LARS2: variants seen among roughly 807,000 people sequenced by gnomAD.
LARS2 encodes the protein leucyl-tRNA synthetase 2, mitochondrial.
A neutral mutation model predicts 116.6 loss-of-function variants in LARS2; 81 were observed. The ratio of observed to expected loss-of-function variants is 0.69; its 90% confidence interval spans 0.58 to 0.84. LARS2 has a LOEUF of 0.84. Ranked by LOEUF, LARS2 falls within the 40% of genes least tolerant of loss-of-function variation. LARS2 has a pLI of 0.00. For missense variants in LARS2, 968 were observed against 1,114.5 expected, an observed-to-expected ratio of 0.87 and a Z score of 1.87; for synonymous variants, 396 against 407.2, an observed-to-expected ratio of 0.97 and a Z score of 0.33.
chr3:45,511,552 G>A (rs948424930), intron 15 of LARS2, among the ~76,000 whole-genome samples: 3 of 151,664 alleles, frequency 2.0e-5, no homozygotes, highest in East Asian at 1.9e-4. Context: ...TTCAATATGT[G>A]TGCTATACCT....
At chr3:45,494,123 C>A (rs1009637843) in intron 13 of LARS2, among the ~76,000 whole-genome samples, 7 of 152,138 alleles carry the variant, frequency 4.6e-5, no homozygotes, top group Admixed American at 6.5e-5. Flanking sequence ...TGAAAAGCTT[C>A]TACTCTTAGA....
chr3:45,409,386 A>T (rs1698289827), intron 4 of LARS2, among the ~76,000 whole-genome samples: 1 of 152,220 alleles, frequency 6.6e-6, no homozygotes, highest in African/African-American at 2.4e-5. Context: ...AATCTTGGCC[A>T]TAGAGAAATC....
chr3:45,491,633 G>C lies in LARS2; in HGVS notation c.1356G>C (p.Gln452His). ...DKLKDWLISR[Q>H]RYWGTPIPIV... ...TGAAAGACTGGCTGATTTCACGGCA[G>C]CGGTACTGGGGCACACCAATCCCCA... The change falls in exon 13 of 22, where the codon CAG becomes CAC. Residue 452 changes from glutamine to histidine, a missense_variant. Coordinates refer to ENST00000645846, the MANE Select transcript of LARS2 (RefSeq NM_015340.4). The C allele has an allele frequency of 6.2e-7, 1 of 1,614,238 alleles. No individual in the cohort carries two copies. The highest frequency in any genetic ancestry group is 1.1e-5 in the South Asian group (1 of 91,086).
intron 7 of LARS2, among the ~76,000 whole-genome samples, chr3:45,448,632 A>T (rs1448300009): frequency 1.3e-5 from 2 of 152,362 alleles, no homozygotes; most frequent in Non-Finnish European, 2.9e-5. Context: ...GCTTCTATAG[A>T]TATTAAATTA....
At chr3:45,523,651 T>C (rs574260012) in intron 19 of LARS2, among the ~76,000 whole-genome samples, 43 of 151,942 alleles carry the variant, frequency 2.8e-4, no homozygotes, top group African/African-American at 1.0e-3. Context: ...TTCAGCCTCC[T>C]AAGTAACTGG....
At position 45,528,527 on chromosome 3, in the gene LARS2, A is replaced by T. The variant is rs541871106; in HGVS notation, c.2404+4419A>T. ...ATATACTTGTGCACCCATCACCATG[A>T]TCAGTTTTAGAACTGGATTTCCATT... is the stretch of plus-strand genomic sequence containing the variant. On this transcript the variant is annotated intron_variant, in intron 20 of 21. Coordinates refer to ENST00000645846, the MANE Select transcript of LARS2 (RefSeq NM_015340.4). Among the ~76,000 whole-genome samples the T allele has an allele frequency of 3.3e-5, 5 of 152,286 alleles. No individual in the cohort carries two copies. In the South Asian group the frequency reaches 1.0e-3, roughly 32 times the overall value.
intron 8 of LARS2, among the ~76,000 whole-genome samples, chr3:45,469,563 C>G (rs1008822445): frequency 6.6e-6 from 1 of 152,076 alleles, no homozygotes; most frequent in African/African-American, 2.4e-5. Context: ...TCAGGCTGGT[C>G]TCAAGCTCCT....
chr3:45,490,498 A>T (rs1699896763), intron 12 of LARS2, among the ~76,000 whole-genome samples: 1 of 152,252 alleles, frequency 6.6e-6, no homozygotes, highest in African/African-American at 2.4e-5. Flanking sequence ...TGGAATGGAA[A>T]GACAGTGGTG....
At chr3:45,480,388 T>A (rs12636831) in intron 10 of LARS2, among the ~76,000 whole-genome samples, 125,150 of 152,274 alleles carry the variant, frequency 0.82, 54,596 homozygotes, top group East Asian at 0.98. Flanking sequence ...ACACCAAATG[T>A]AAGTCATTTG....
intron 3 of LARS2, among the ~76,000 whole-genome samples, chr3:45,396,806 C>G (rs1698054947): frequency 6.6e-6 from 1 of 152,210 alleles, no homozygotes; most frequent in African/African-American, 2.4e-5. Context: ...CAAGACATGG[C>G]AGAGCCAGGA....
chr3:45,506,215 A>G lies in LARS2; in HGVS notation c.1760+5636A>G, dbSNP rs561210709. Among the ~76,000 whole-genome samples, 22 of 152,244 alleles carry G rather than the reference A, an allele frequency of 1.4e-4. No individual in the cohort carries two copies. The East Asian group carries it at 4.2e-3, about 29-fold the overall frequency. ...ACCTTTGAGGAAGGTACAGAAAGTC[A>G]TCTTAACTGTTACTCAGTGCTGCTG... On this transcript the variant is annotated intron_variant, in intron 15 of 21. Transcript: ENST00000645846.
chr3:45,468,811 A>G (rs1037193330), intron 8 of LARS2, among the ~76,000 whole-genome samples: 1 of 152,214 alleles, frequency 6.6e-6, no homozygotes, highest in East Asian at 1.9e-4. Flanking sequence ...TTTTCCACAG[A>G]TCACGTACAT....
At chr3:45,500,141 A>G (rs1210900768) in intron 14 of LARS2, among the ~76,000 whole-genome samples, 1 of 152,100 alleles carries the variant, frequency 6.6e-6, no homozygotes, top group East Asian at 1.9e-4. Flanking sequence ...AGTTGGGATT[A>G]CAGGTGCCCA....
intron 10 of LARS2, among the ~76,000 whole-genome samples, chr3:45,483,795 C>T (rs1331038856): frequency 2.6e-5 from 4 of 152,162 alleles, no homozygotes; most frequent in African/African-American, 9.7e-5. Context: ...CCCATTGGGG[C>T]TGCATTTCAC....
intron 12 of LARS2, among the ~76,000 whole-genome samples, chr3:45,489,604 G>A (rs1699876183): frequency 6.6e-6 from 1 of 152,192 alleles, no homozygotes; most frequent in South Asian, 2.1e-4. Flanking sequence ...CCCTGGACCA[G>A]CAGTACTGGC....
At chr3:45,414,188 G>A (rs1223630310) in intron 4 of LARS2, among the ~76,000 whole-genome samples, 1 of 152,076 alleles carries the variant, frequency 6.6e-6, no homozygotes, top group Non-Finnish European at 1.5e-5. Context: ...TAACTTTTAG[G>A]AAAACAAATA....
intron 6 of LARS2, among the ~76,000 whole-genome samples, chr3:45,426,661 T>G (rs17077801): frequency 0.018 from 2,680 of 152,296 alleles, 83 homozygotes; most frequent in African/African-American, 0.059. Flanking sequence ...GTTGACCTCA[T>G]GAGGAGCTGT....
At chr3:45,514,943 T>C (rs1450318154) in intron 16 of LARS2, among the ~76,000 whole-genome samples, 1 of 152,230 alleles carries the variant, frequency 6.6e-6, no homozygotes, top group Non-Finnish European at 1.5e-5. Flanking sequence ...CCACGTAGTC[T>C]TGCCTACTGG....
At chr3:45,485,027 C>T (rs942746805) in intron 10 of LARS2, among the ~76,000 whole-genome samples, 1 of 152,088 alleles carries the variant, frequency 6.6e-6, no homozygotes, top group African/African-American at 2.4e-5. Flanking sequence ...TCAGATCTGA[C>T]CTGGTCATTC....
Sources: gnomAD v4.1 joint callset for allele counts (sites outside exome capture counted in the v4.1 genomes callset) on GRCh38, gnomAD v4.1.1 for gene constraint, MANE v1.5 for transcripts, NCBI Gene and HGNC (gene_info 2026-07-23, HGNC 2026-07-21) for gene names.